Variants in KCND2 observed in about 807,000 individuals in gnomAD.
KCND2 encodes A-type voltage-gated potassium channel KCND2.
In KCND2, 16 loss-of-function variants were observed where a neutral mutation model predicts 54.4. The observed-to-expected ratio is 0.29, with a 90% CI of 0.20 to 0.45. KCND2 has a LOEUF of 0.45. Among genes scored for constraint, KCND2 ranks in the 20% least tolerant of loss-of-function variants. The pLI is 1.00. For synonymous variants in KCND2, 317 were observed against 310.7 expected, an observed-to-expected ratio of 1.02 and a Z score of -0.21; for missense variants, 486 against 824.2, an observed-to-expected ratio of 0.59 and a Z score of 5.02.
chr7:120,330,534 T>C (rs1040181447), intron 1 of KCND2, among the ~76,000 whole-genome samples: 8 of 135,788 alleles, frequency 5.9e-5, no homozygotes, highest in African/African-American at 2.2e-4. Context: ...TGAGCTGAGA[T>C]TGTGCCACTG....
intron 1 of KCND2, among the ~76,000 whole-genome samples, chr7:120,658,781 C>T (rs1791833317): frequency 6.6e-6 from 1 of 152,150 alleles, no homozygotes; most frequent in African/African-American, 2.4e-5. Context: ...TGCCTTACAT[C>T]AAAATACTAT....
chr7:120,671,877 G>A (rs920209657), intron 1 of KCND2, among the ~76,000 whole-genome samples: 2 of 152,082 alleles, frequency 1.3e-5, no homozygotes, highest in Non-Finnish European at 2.9e-5. Flanking sequence ...TAATCACACA[G>A]CAATGAACTC....
chr7:120,453,007 C>T (rs1422587398), intron 1 of KCND2, among the ~76,000 whole-genome samples: 2 of 152,176 alleles, frequency 1.3e-5, no homozygotes, highest in African/African-American at 2.4e-5. Context: ...GAGTCCTCAT[C>T]GTAGCTCCTT....
At chr7:120,344,123 C>T (rs929138727) in intron 1 of KCND2, among the ~76,000 whole-genome samples, 1 of 152,070 alleles carries the variant, frequency 6.6e-6, no homozygotes, top group Non-Finnish European at 1.5e-5. Flanking sequence ...GTTATAGCAA[C>T]CGAAGTGTGT....
intron 1 of KCND2, among the ~76,000 whole-genome samples, chr7:120,579,625 TAAATAAATAAATAAATAAATA>T (rs1370142043): frequency 1.4e-5 from 2 of 146,986 alleles, no homozygotes; most frequent in East Asian, 2.0e-4. Flanking sequence ...AATAAATAAA[TAAATAAATAAATAAATAAATA>T]AAATAAAATA....
At chr7:120,442,291 A>T (rs997547152) in intron 1 of KCND2, among the ~76,000 whole-genome samples, 7 of 152,120 alleles carry the variant, frequency 4.6e-5, no homozygotes, top group Non-Finnish European at 1.0e-4. Context: ...GTCCAGCATG[A>T]TAATTTTTGT....
At chr7:120,552,023 C>T (rs751673022) in intron 1 of KCND2, among the ~76,000 whole-genome samples, 7 of 152,070 alleles carry the variant, frequency 4.6e-5, no homozygotes, top group Non-Finnish European at 7.4e-5. Flanking sequence ...TACAGGAAAC[C>T]TAATGGGAAA....
At chr7:120,601,128 A>G (rs936431394) in intron 1 of KCND2, among the ~76,000 whole-genome samples, 1 of 152,168 alleles carries the variant, frequency 6.6e-6, no homozygotes, top group African/African-American at 2.4e-5. Context: ...TAAATGAAAC[A>G]CAGTGTATAC....
At position 120,281,051 on chromosome 7, in the gene KCND2, C is replaced by T. The variant is rs556368563; in HGVS notation, c.1115+5304C>T. Among the ~76,000 whole-genome samples the T allele has an allele frequency of 2.3e-4, 35 of 152,074 alleles. 1 individual carries two copies. Among genetic ancestry groups the T allele is most frequent in the Admixed American group, 1.7e-3 (26 of 15,264 alleles). ...TCCAGTGAACTTTCAGGCCGTTTGG[C>T]GGCAAACTACTCAATGGTGAATCTT... On this transcript the variant is annotated intron_variant, in intron 1 of 5. Coordinates refer to ENST00000331113, the MANE Select transcript of KCND2 (RefSeq NM_012281.3).
chr7:120,552,882 A>G (rs1792119501), intron 1 of KCND2, among the ~76,000 whole-genome samples: 1 of 152,180 alleles, frequency 6.6e-6, no homozygotes, highest in African/African-American at 2.4e-5. Flanking sequence ...TTTTTAAAAC[A>G]TTTGTAATTT....
chr7:120,519,537 A>G (rs1417495311), intron 1 of KCND2, among the ~76,000 whole-genome samples: 1 of 152,000 alleles, frequency 6.6e-6, no homozygotes, highest in Non-Finnish European at 1.5e-5. Context: ...CCAGGCTAAC[A>G]CCTTGGTTTC....
At chr7:120,561,907 C>T (rs73217281) in intron 1 of KCND2, among the ~76,000 whole-genome samples, 6,487 of 152,146 alleles carry the variant, frequency 0.043, 243 homozygotes, top group Non-Finnish European at 0.062. Context: ...CCACTGCACC[C>T]GGCCGCTATC....
At chr7:120,334,905 A>G (rs1202305551) in intron 1 of KCND2, among the ~76,000 whole-genome samples, 1 of 152,210 alleles carries the variant, frequency 6.6e-6, no homozygotes, top group Non-Finnish European at 1.5e-5. Flanking sequence ...TTCTTCTAGA[A>G]TAGAATAATG....
chr7:120,621,568 A>AT, intron 1 of KCND2, among the ~76,000 whole-genome samples: 1 of 152,262 alleles, frequency 6.6e-6, no homozygotes, highest in East Asian at 1.9e-4. Flanking sequence ...TAAGCTTTTA[A>AT]TTTTTTAAAA....
In KCND2 at chr7:120,621,045, C is replaced by T. The variant is rs527655718; in HGVS notation, c.1116-111858C>T. On this transcript the variant is annotated intron_variant, in intron 1 of 5. Coordinates refer to ENST00000331113, the MANE Select transcript of KCND2 (RefSeq NM_012281.3). Reference sequence around the variant, plus strand: ...ATCCCAGCACTTTGAGAGGCTGAGGCGAGTGGATCACGAGTTTAGGAGTTC... The same window carrying T: ...ATCCCAGCACTTTGAGAGGCTGAGGTGAGTGGATCACGAGTTTAGGAGTTC... 6.6e-5 allele frequency among the ~76,000 whole-genome samples: 10 copies of T among 151,962 alleles called. No individual in the cohort carries two copies. In the East Asian group the frequency reaches 1.6e-3, roughly 24 times the overall value.
intron 1 of KCND2, among the ~76,000 whole-genome samples, chr7:120,732,445 A>G (rs1181680858): frequency 6.6e-6 from 1 of 152,200 alleles, no homozygotes; most frequent in African/African-American, 2.4e-5. Context: ...TTTATTTTTT[A>G]AATGATGACA....
intron 1 of KCND2, among the ~76,000 whole-genome samples, chr7:120,400,849 G>A (rs554905096): frequency 5.4e-4 from 82 of 151,854 alleles, no homozygotes; most frequent in Non-Finnish European, 9.3e-4. Flanking sequence ...ACACTAATGA[G>A]ATCAAGAAAA....
At chr7:120,459,658 G>A (rs765007407) in intron 1 of KCND2, among the ~76,000 whole-genome samples, 10 of 152,082 alleles carry the variant, frequency 6.6e-5, no homozygotes, top group Admixed American at 1.3e-4. Context: ...CACAACTATC[G>A]TCAAATAAAT....
At chr7:120,470,047 T>C (rs1462629414) in intron 1 of KCND2, among the ~76,000 whole-genome samples, 1 of 152,112 alleles carries the variant, frequency 6.6e-6, no homozygotes, top group Non-Finnish European at 1.5e-5. Context: ...ATTTCACTTA[T>C]TTTTTTCACT....
Sources: allele counts gnomAD v4.1 joint callset (sites outside exome capture counted in the v4.1 genomes callset), GRCh38; gene constraint gnomAD v4.1.1; transcripts MANE v1.5; gene names NCBI Gene and HGNC (gene_info 2026-07-23, HGNC 2026-07-21).